Variants in FBN2 observed in about 807,000 individuals in gnomAD.
FBN2 encodes fibrillin-2.
FBN2 carries 105 observed loss-of-function variants against 355.6 expected under a neutral mutation model. The ratio of observed to expected loss-of-function variants is 0.30; its 90% confidence interval spans 0.25 to 0.35. FBN2 has a LOEUF of 0.35. Ranked by LOEUF, FBN2 falls within the 10% of genes least tolerant of loss-of-function variation. The pLI is 1.00. For missense variants in FBN2, 3,280 were observed against 3,758.7 expected, an observed-to-expected ratio of 0.87 and a Z score of 3.33; for synonymous variants, 1,350 against 1,301.2, an observed-to-expected ratio of 1.04 and a Z score of -0.81.
In FBN2 at chr5:128,305,957, G is replaced by A; in HGVS notation, c.5423-9C>T. The A allele has an allele frequency of 6.2e-7, 1 of 1,612,624 alleles. No individual in the cohort carries two copies. Among genetic ancestry groups the A allele is most frequent in the Non-Finnish European group, 8.5e-7 (1 of 1,178,742 alleles). On this transcript the variant is annotated splice_polypyrimidine_tract_variant and intron_variant, in intron 42 of 64. Transcript: ENST00000262464. ...TTTACATTCATCAATGTCTGAAATG[G>A]AACAGATTTGGTCAAATATATGTTG... is the stretch of plus-strand genomic sequence containing the variant.
rs138749144 is a variant in FBN2, at chr5:128,445,815, A to G, written c.952+666T>C. 2.4e-3 allele frequency among the ~76,000 whole-genome samples: 358 copies of G among 152,290 alleles called. 2 individuals are homozygous for G. The highest frequency in any genetic ancestry group is 8.2e-3 in the African/African-American group (343 of 41,582). ...AAACTTCTTGAATTTTATAAAAATG[A>G]TACAGGTTTTGATCACAGATATATA... On this transcript the variant is annotated intron_variant, in intron 7 of 64. Coordinates refer to ENST00000262464, the MANE Select transcript of FBN2 (RefSeq NM_001999.4).
At chr5:128,507,698 TATG>T (rs1464913520) in intron 5 of FBN2, among the ~76,000 whole-genome samples, 1 of 152,058 alleles carries the variant, frequency 6.6e-6, no homozygotes, top group Non-Finnish European at 1.5e-5. Flanking sequence ...ATCCATTTAA[TATG>T]ATCTTTCTTG....
chr5:128,533,778 T>C (rs1561502645), intron 2 of FBN2, among the ~76,000 whole-genome samples: 1 of 152,102 alleles, frequency 6.6e-6, no homozygotes, highest in Non-Finnish European at 1.5e-5. Context: ...CTTATTATAT[T>C]GATCAAAATA....
At chr5:128,366,677 T>C (rs1751777455) in intron 16 of FBN2, among the ~76,000 whole-genome samples, 2 of 152,136 alleles carry the variant, frequency 1.3e-5, no homozygotes, top group African/African-American at 4.8e-5. Context: ...ATGTTACTAA[T>C]ATTTTCTACA....
chr5:128,366,387 C>T lies in FBN2; in HGVS notation c.2292G>A (p.Val764=). The part of the protein sequence containing the change: ...GLCSSGVGIT[V]DGRDINECAL... ...ATTAACTAGAGTTACCTCTTCCATCCACAGTGATACCTACTCCACTACTAC... is the reference window on the plus strand; with the variant it reads ...ATTAACTAGAGTTACCTCTTCCATCTACAGTGATACCTACTCCACTACTAC... The change falls in exon 17 of 65, where the codon GTG becomes GTA. Residue 764 remains valine (V), a synonymous_variant. Coordinates refer to ENST00000262464, the MANE Select transcript of FBN2 (RefSeq NM_001999.4). 6.3e-7 allele frequency: 1 copy of T among 1,594,376 alleles called. No homozygotes were observed. Among genetic ancestry groups the T allele is most frequent in the Non-Finnish European group, 8.6e-7 (1 of 1,163,944 alleles).
At chr5:128,363,670 C>T (rs72785129) in intron 18 of FBN2, among the ~76,000 whole-genome samples, 13,709 of 152,128 alleles carry the variant, frequency 0.09, 903 homozygotes, top group Non-Finnish European at 0.14. Flanking sequence ...TCAACATGAC[C>T]GGTGTCCATG....
intron 5 of FBN2, among the ~76,000 whole-genome samples, chr5:128,515,395 T>G (rs1305064423): frequency 6.6e-6 from 1 of 152,206 alleles, no homozygotes; most frequent in Non-Finnish European, 1.5e-5. Flanking sequence ...ATCTTACACA[T>G]CTGCTAAATG....
intron 5 of FBN2, among the ~76,000 whole-genome samples, chr5:128,481,322 C>T (rs1755179798): frequency 6.6e-6 from 1 of 152,194 alleles, no homozygotes; most frequent in Non-Finnish European, 1.5e-5. Context: ...CTGTTCCGAC[C>T]TGGCAACAAA....
intron 23 of FBN2, among the ~76,000 whole-genome samples, chr5:128,348,639 C>A (rs974073583): frequency 1.6e-4 from 25 of 151,884 alleles, no homozygotes; most frequent in Admixed American, 1.4e-3. Context: ...ATGTAAAGTT[C>A]TTTTATAAAC....
intron 8 of FBN2, among the ~76,000 whole-genome samples, chr5:128,398,103 G>A (rs1752697991): frequency 6.6e-6 from 1 of 152,048 alleles, no homozygotes; most frequent in Non-Finnish European, 1.5e-5. Flanking sequence ...TAGGTTTTTG[G>A]TCTGAAGAAC....
At chr5:128,492,028 T>C (rs992707618) in intron 5 of FBN2, among the ~76,000 whole-genome samples, 1 of 152,208 alleles carries the variant, frequency 6.6e-6, no homozygotes, top group Non-Finnish European at 1.5e-5. Flanking sequence ...GTTAAAGATA[T>C]TGAGATTCAT....
intron 23 of FBN2, 132 bp downstream of exon 23, chr5:128,349,215 T>C: frequency 9.8e-7 from 1 of 1,019,434 alleles, no homozygotes; most frequent in Admixed American, 1.8e-5. Flanking sequence ...CTCTAGTGAT[T>C]TCCCCCTAAA....
chr5:128,331,295 T>C (rs1176998237), intron 32 of FBN2, among the ~76,000 whole-genome samples: 5 of 152,088 alleles, frequency 3.3e-5, no homozygotes, highest in Non-Finnish European at 4.4e-5. Flanking sequence ...TTAGTTAAGG[T>C]CAGACCTGAG....
At chr5:128,464,355 C>G (rs1247221984) in intron 6 of FBN2, among the ~76,000 whole-genome samples, 1 of 152,082 alleles carries the variant, frequency 6.6e-6, no homozygotes, top group Non-Finnish European at 1.5e-5. Context: ...ATTCTCATAA[C>G]TTGAATGAGA....
At chr5:128,276,945 A>T (rs992410560) in intron 58 of FBN2, among the ~76,000 whole-genome samples, 2 of 152,140 alleles carry the variant, frequency 1.3e-5, no homozygotes, top group African/African-American at 4.8e-5. Flanking sequence ...GTCCTCCTTG[A>T]AATATGCCAT....
intron 5 of FBN2, among the ~76,000 whole-genome samples, chr5:128,487,526 C>T (rs933008725): frequency 6.6e-6 from 1 of 152,128 alleles, no homozygotes; most frequent in Non-Finnish European, 1.5e-5. Flanking sequence ...TATCACAATA[C>T]ACATTTTTAA....
chr5:128,385,229 A>G (rs1371964018), intron 11 of FBN2, among the ~76,000 whole-genome samples: 1 of 152,080 alleles, frequency 6.6e-6, no homozygotes, highest in Non-Finnish European at 1.5e-5. Context: ...ACTCTCAAGT[A>G]GGCCCTAGTG....
chr5:128,278,819 A>G lies in FBN2; in HGVS notation c.7161T>C (p.Phe2387=), dbSNP rs1481708429. Residue 2387 remains phenylalanine, a synonymous_variant, in exon 57 of 65, where the codon TTT becomes TTC. Coordinates refer to ENST00000262464, the MANE Select transcript of FBN2 (RefSeq NM_001999.4). The part of the protein sequence containing the change: ...ECLDNRQGLC[F]AEVLQTICQM... ...GACATATTGTCTGCAGTACCTCTGC[A>G]AAGCAGAGACCCTGTCGATTGTCTG... The G allele has an allele frequency of 6.2e-7, 1 of 1,613,680 alleles. No individual in the cohort carries two copies. The highest frequency in any genetic ancestry group is 8.5e-7 in the Non-Finnish European group (1 of 1,179,790).
intron 55 of FBN2, among the ~76,000 whole-genome samples, chr5:128,284,402 T>G (rs531715120): frequency 2.0e-5 from 3 of 152,310 alleles, no homozygotes; most frequent in Admixed American, 6.5e-5. Flanking sequence ...CGTAACACTT[T>G]TAGCATAAAA....
Sources: allele counts gnomAD v4.1 joint callset (sites outside exome capture counted in the v4.1 genomes callset), GRCh38; gene constraint gnomAD v4.1.1; transcripts MANE v1.5; gene names NCBI Gene and HGNC (gene_info 2026-07-23, HGNC 2026-07-21).